Variants in THSD4 observed in about 807,000 individuals in gnomAD.
THSD4 encodes the protein thrombospondin type 1 domain containing 4.
A neutral mutation model predicts 119.0 loss-of-function variants in THSD4; 69 were observed. The ratio of observed to expected loss-of-function variants is 0.58; its 90% CI spans 0.48 to 0.71. The LOEUF (loss-of-function observed/expected upper bound fraction) is 0.71. Ranked by LOEUF, THSD4 falls within the 30% of genes least tolerant of loss-of-function variation. THSD4 has a pLI of 0.00. For synonymous variants in THSD4, 524 were observed against 540.4 expected, an observed-to-expected ratio of 0.97 and a Z score of 0.42; for missense variants, 1,393 against 1,391.1, an observed-to-expected ratio of 1.00 and a Z score of -0.02.
At chr15:71,189,382 C>T (rs900321032) in intron 3 of THSD4, among the ~76,000 whole-genome samples, 3 of 152,186 alleles carry the variant, frequency 2.0e-5, no homozygotes, top group Non-Finnish European at 2.9e-5. Flanking sequence ...TTAAAAAATA[C>T]GTTTCTGGCT....
chr15:71,180,430 A>C (rs1389228746), intron 3 of THSD4, among the ~76,000 whole-genome samples: 1 of 152,210 alleles, frequency 6.6e-6, no homozygotes, highest in African/African-American at 2.4e-5. Flanking sequence ...GTAAGGGAAG[A>C]AATGAAGGTT....
At chr15:71,156,166 T>C (rs1211591681) in intron 3 of THSD4, among the ~76,000 whole-genome samples, 1 of 152,196 alleles carries the variant, frequency 6.6e-6, no homozygotes, top group Non-Finnish European at 1.5e-5. Flanking sequence ...TCCTCCTGTT[T>C]ACCTGGAATC....
intron 7 of THSD4, among the ~76,000 whole-genome samples, chr15:71,466,797 C>T (rs933500388): frequency 6.6e-6 from 1 of 152,232 alleles, no homozygotes; most frequent in Non-Finnish European, 1.5e-5. Context: ...ACTCTATTCA[C>T]ATCACCCCTT....
intron 7 of THSD4, among the ~76,000 whole-genome samples, chr15:71,500,180 C>A (rs973141737): frequency 3.3e-5 from 5 of 152,112 alleles, no homozygotes; most frequent in Non-Finnish European, 7.4e-5. Context: ...GCTGCCATAC[C>A]AGATGTGAGG....
chr15:71,424,466 G>T (rs960846295), intron 7 of THSD4, among the ~76,000 whole-genome samples: 1 of 152,044 alleles, frequency 6.6e-6, no homozygotes, highest in Non-Finnish European at 1.5e-5. Context: ...GAAAGGCCTC[G>T]AAGGGAAAGG....
chr15:71,705,773 G>C (rs527914163), intron 8 of THSD4, among the ~76,000 whole-genome samples: 43 of 152,316 alleles, frequency 2.8e-4, no homozygotes, highest in Admixed American at 1.1e-3. Context: ...ATCTAAAGGA[G>C]AAAAAGCGCA....
At chr15:71,659,702 A>G (rs1336183882) in intron 7 of THSD4, among the ~76,000 whole-genome samples, 2 of 152,224 alleles carry the variant, frequency 1.3e-5, no homozygotes, top group African/African-American at 4.8e-5. Context: ...ATGAGCCACC[A>G]TGTCTGGCCC....
intron 8 of THSD4, among the ~76,000 whole-genome samples, chr15:71,677,991 T>C (rs1270547348): frequency 6.6e-6 from 1 of 152,210 alleles, no homozygotes; most frequent in Non-Finnish European, 1.5e-5. Context: ...CCTAGCCCAC[T>C]CTAGGCAGCA....
intron 7 of THSD4, among the ~76,000 whole-genome samples, chr15:71,576,798 G>T (rs570197375): frequency 6.6e-6 from 1 of 152,208 alleles, no homozygotes; most frequent in South Asian, 2.1e-4. Flanking sequence ...AAGATAACAT[G>T]TTACCTTTTT....
intron 7 of THSD4, among the ~76,000 whole-genome samples, chr15:71,528,093 G>A (rs1013864187): frequency 1.2e-4 from 18 of 152,142 alleles, no homozygotes; most frequent in Admixed American, 8.5e-4. Context: ...ACTGAACAGT[G>A]CCTTGGACTC....
intron 7 of THSD4, among the ~76,000 whole-genome samples, chr15:71,585,074 T>C (rs916801663): frequency 6.6e-6 from 1 of 152,256 alleles, no homozygotes; most frequent in Non-Finnish European, 1.5e-5. Context: ...TTATTTTTAC[T>C]ATTTTGTCTT....
chr15:71,558,402 G>A (rs1455039022), intron 7 of THSD4, among the ~76,000 whole-genome samples: 3 of 152,158 alleles, frequency 2.0e-5, no homozygotes, highest in Non-Finnish European at 4.4e-5. Context: ...TATTAAAGAT[G>A]GCAATTTTTT....
intron 4 of THSD4, among the ~76,000 whole-genome samples, chr15:71,240,348 C>G (rs1310540358): frequency 2.0e-5 from 3 of 152,066 alleles, no homozygotes; most frequent in Middle Eastern, 3.4e-3. Context: ...TGCCATTTTT[C>G]CTTCATTAAA....
intron 7 of THSD4, among the ~76,000 whole-genome samples, chr15:71,655,470 T>G (rs1229315701): frequency 6.6e-6 from 1 of 152,144 alleles, no homozygotes; most frequent in South Asian, 2.1e-4. Flanking sequence ...GATGATGAGA[T>G]TTACTTAAAA....
intron 3 of THSD4, among the ~76,000 whole-genome samples, chr15:71,201,625 T>C (rs936451537): frequency 6.6e-6 from 1 of 152,210 alleles, no homozygotes; most frequent in Non-Finnish European, 1.5e-5. Context: ...CCTCGTCTAG[T>C]TTCAACAACT....
intron 7 of THSD4, among the ~76,000 whole-genome samples, chr15:71,497,535 A>G (rs2048040898): frequency 6.6e-6 from 1 of 152,078 alleles, no homozygotes; most frequent in East Asian, 1.9e-4. Context: ...AAAGGCATAT[A>G]TGTGAGTGAA....
chr15:71,532,263 TGA>T lies in THSD4; in HGVS notation c.1152+120460_1152+120461del, dbSNP rs112859786. Among the ~76,000 whole-genome samples, 393 of 71,800 alleles carry T rather than the reference TGA, an allele frequency of 5.5e-3. 6 individuals are homozygous for T. Among genetic ancestry groups the T allele is most frequent in the Middle Eastern group, 8.2e-3 (1 of 122 alleles). 47.1% of individuals were successfully genotyped at this position (71,800 alleles called of 152,430 possible). The stretch of plus-strand genomic sequence containing the variant: ...TAGCACTGACTGAAACAACAAAGGG[TGA>T]GAGAGAGAGAGAGAGAGAGTGTGTG... On this transcript the variant is annotated intron_variant, in intron 7 of 17. Coordinates refer to ENST00000261862, the MANE Select transcript of THSD4 (RefSeq NM_024817.3).
intron 8 of THSD4, among the ~76,000 whole-genome samples, chr15:71,666,049 G>C (rs2141005458): frequency 6.6e-6 from 1 of 152,192 alleles, no homozygotes; most frequent in African/African-American, 2.4e-5. Flanking sequence ...GAATTTCATT[G>C]GTAGTTTGGT....
chr15:71,106,770 C>T (rs115997417), intron 1 of THSD4, among the ~76,000 whole-genome samples: 1,704 of 152,022 alleles, frequency 0.011, 32 homozygotes, highest in African/African-American at 0.038. Flanking sequence ...GATCACAGTC[C>T]TCTGAGACCC....
Sources: allele counts gnomAD v4.1 joint callset (sites outside exome capture counted in the v4.1 genomes callset), GRCh38; gene constraint gnomAD v4.1.1; transcripts MANE v1.5; gene names NCBI Gene and HGNC (gene_info 2026-07-23, HGNC 2026-07-21).